Variants in ERN2 observed in about 807,000 individuals in gnomAD.
ERN2 encodes the protein serine/threonine-protein kinase/endoribonuclease IRE2.
A neutral mutation model predicts 107.9 loss-of-function variants in ERN2; 111 were observed. The observed-to-expected ratio is 1.03, with a 90% CI of 0.88 to 1.20. The LOEUF is 1.20. Ranked by LOEUF, ERN2 falls within the 50% of genes most tolerant of loss-of-function variation. ERN2 has a pLI of 0.00. For synonymous variants in ERN2, 524 were observed against 501.7 expected (o/e 1.04, Z -0.59); for missense variants, 1,225 against 1,197.9 (o/e 1.02, Z -0.33).
chr16:23,705,017 C>T lies in ERN2; in HGVS notation c.720G>A (p.Leu240=). 1 of 1,613,960 alleles carries T rather than the reference C, an allele frequency of 6.2e-7. No homozygotes were observed. The highest frequency in any genetic ancestry group is 8.5e-7 in the Non-Finnish European group (1 of 1,180,026). The change falls in exon 8 of 22, where the codon CTG becomes CTA. Residue 240 remains leucine (L), a synonymous_variant. Transcript: ENST00000256797. ...MGVYTWHQDG[L]RQLPHLTLAR... ...CCAGCGTGAGATGCGGCAGCTGGCGCAGGCCGTCCTGGTGCCAGGTGTAGA... is the reference window on the plus strand; with the variant it reads ...CCAGCGTGAGATGCGGCAGCTGGCGTAGGCCGTCCTGGTGCCAGGTGTAGA...
chr16:23,706,554 G>A (rs1960323133), intron 6 of ERN2, 123 bp from the exon 7 acceptor site: 2 of 801,078 alleles, frequency 2.5e-6, no homozygotes, highest in East Asian at 2.6e-5. Flanking sequence ...CTGGAAGCCT[G>A]TGAACATCAC....
intron 1 of ERN2, among the ~76,000 whole-genome samples, chr16:23,711,556 C>G (rs1166628136): frequency 6.6e-6 from 1 of 151,948 alleles, no homozygotes; most frequent in African/African-American, 2.4e-5. Context: ...TGGGGTCTTG[C>G]TATGTTGTCT....
Position 23,710,561 on chromosome 16 carries a change from G to A in ERN2, c.200-12C>T, listed in dbSNP as rs113782704. The A allele has an allele frequency of 3.7e-6, 6 of 1,614,030 alleles. No individual in the cohort carries two copies. The highest frequency in any genetic ancestry group is 3.3e-4 in the Middle Eastern group (2 of 6,084). ...TTCGATGACGGGATCTGCAGGGACAGGGACACAGAACATAAGCAGTTTCCT... is the reference window on the plus strand; with the variant it reads ...TTCGATGACGGGATCTGCAGGGACAAGGACACAGAACATAAGCAGTTTCCT... On this transcript the variant is annotated splice_polypyrimidine_tract_variant and intron_variant, in intron 2 of 21. Transcript: ENST00000256797.
At chr16:23,708,018 G>A (rs1433473753) in intron 4 of ERN2, among the ~76,000 whole-genome samples, 2 of 152,156 alleles carry the variant, frequency 1.3e-5, no homozygotes, top group Non-Finnish European at 2.9e-5. Context: ...ATGGGGACAG[G>A]GTGAGATCAG....
chr16:23,705,166 G>C lies in ERN2; in HGVS notation c.590-19C>G, dbSNP rs747841982. The C allele has an allele frequency of 6.2e-7, 1 of 1,608,450 alleles. No individual in the cohort carries two copies. The highest frequency in any genetic ancestry group is 1.1e-5 in the South Asian group (1 of 90,888). ...CTCATGTCTGCCGAGAAAGGTGGCTGGGGAGATGTGGTTGGAAGCTCTCCT... is the reference window on the plus strand; with the variant it reads ...CTCATGTCTGCCGAGAAAGGTGGCTCGGGAGATGTGGTTGGAAGCTCTCCT... On this transcript the variant is annotated intron_variant, in intron 7 of 21. Coordinates refer to ENST00000256797, the MANE Select transcript of ERN2 (RefSeq NM_033266.4).
chr16:23,690,337 C>T lies in ERN2; in HGVS notation c.*494G>A, dbSNP rs1329660799. ...GAATTCGGAACTGTCCTTTCCTTGG[C>T]TTTATGCACATTAAACAGATGTGAA... On this transcript the variant is annotated 3_prime_UTR_variant, in exon 22 of 22. Transcript: ENST00000256797. The T allele has an allele frequency of 7.2e-6, 4 of 559,426 alleles. No individual in the cohort carries two copies. Among genetic ancestry groups the T allele is most frequent in the Non-Finnish European group, 1.3e-5 (4 of 311,366 alleles). The allele number at this position is 559,426 out of a possible 1,614,324, so 34.7% of individuals were successfully genotyped here.
Position 23,706,425 on chromosome 16 carries a change from G to A in ERN2, c.494C>T (p.Thr165Met), listed in dbSNP as rs773229366. 1.0e-5 allele frequency: 16 copies of A among 1,563,836 alleles called. No individual in the cohort carries two copies. Among genetic ancestry groups the A allele is most frequent in the South Asian group, 5.9e-5 (5 of 85,170 alleles). Residue 165 changes from threonine to methionine, a missense_variant, in exon 7 of 22, where the codon ACG becomes ATG. Coordinates refer to ENST00000256797, the MANE Select transcript of ERN2 (RefSeq NM_033266.4). ...GGCTCTTGGGTCATGCATGGTGACC[G>A]TATACTCTGGGGATCCCAGAAGCAA... ...PRLYIGRTQY[T>M]VTMHDPRAPA...
At chr16:23,695,521 T>A (rs1597143967) in intron 14 of ERN2, 132 bp from the exon 15 acceptor site, 1 of 752,488 alleles carries the variant, frequency 1.3e-6, no homozygotes, top group Non-Finnish European at 2.1e-6. Context: ...AGGTCAGGAG[T>A]TCGAGACCAG....
At chr16:23,709,121 C>T (rs1050318772) in intron 4 of ERN2, 2 of 452,050 alleles carry the variant, frequency 4.4e-6, no homozygotes, top group African/African-American at 4.0e-5. Context: ...AGCAGGCTTC[C>T]CCTGACATGG....
chr16:23,695,146 A>C (rs1327771193), intron 15 of ERN2, 28 bp from the exon 16 acceptor site: 1 of 1,613,288 alleles, frequency 6.2e-7, no homozygotes, highest in Admixed American at 1.7e-5. Context: ...CCAAAGCATC[A>C]CTCTCCAGCC....
At chr16:23,695,517 G>A in intron 14 of ERN2, 128 bp from the exon 15 acceptor site, 1 of 799,594 alleles carries the variant, frequency 1.3e-6, no homozygotes, top group South Asian at 1.7e-5. Context: ...CTTGAGGTCA[G>A]GAGTTCGAGA....
chr16:23,695,919 C>G lies in ERN2; in HGVS notation c.1585G>C (p.Gly529Arg), dbSNP rs1476995293. 12 of 1,614,038 alleles carry G rather than the reference C, an allele frequency of 7.4e-6. No individual in the cohort carries two copies. The East Asian group carries it at 2.7e-4, about 36-fold the overall frequency. Residue 529 changes from glycine to arginine, a missense_variant, in exon 14 of 22, where the codon GGG (glycine) becomes CGG (arginine). Physicochemically the swap from Gly to Arg is moderately radical, Grantham distance 125 (BLOSUM62 -2). Transcript: ENST00000256797. ...CGGAAAACGAAAGTCCCGCCTGCCC[C>G]GCGGCCCAGCACGTCCTTGGGATTG... ...SFNPKDVLGR[G>R]AGGTFVFRGQ...
chr16:23,707,630 G>A lies in ERN2; in HGVS notation c.307-551C>T, dbSNP rs554658324. Among the ~76,000 whole-genome samples, 24 of 152,262 alleles carry A rather than the reference G, an allele frequency of 1.6e-4. No homozygotes were observed. The South Asian group carries it at 4.6e-3, about 29-fold the overall frequency. On this transcript the variant is annotated intron_variant, in intron 4 of 21. Coordinates refer to ENST00000256797, the MANE Select transcript of ERN2 (RefSeq NM_033266.4). Reference sequence around the variant, plus strand: ...CTTGTGAGTCTGAGGCAGGAGGATCGCTTAAGTCCAGGAGTTCAAGGCTGC... The same window carrying A: ...CTTGTGAGTCTGAGGCAGGAGGATCACTTAAGTCCAGGAGTTCAAGGCTGC...
Position 23,691,353 on chromosome 16 carries a change from C to T in ERN2, c.2449G>A (p.Ala817Thr), listed in dbSNP as rs143641485. ...LVRALEAGGCAVVRDNWHEHI... is the reference protein window; with the variant it reads ...LVRALEAGGCTVVRDNWHEHI... ...TCGTGCCAGTTGTCCCGGACCACTGCGCAGCCTCCCGCCTCCAGTGCCCTC... is the reference window on the plus strand; with the variant it reads ...TCGTGCCAGTTGTCCCGGACCACTGTGCAGCCTCCCGCCTCCAGTGCCCTC... The change falls in exon 20 of 22, where the codon GCA becomes ACA. Residue 817 changes from alanine (A) to threonine (T), a missense_variant. By Grantham distance (58) the Ala-to-Thr change is moderately conservative. Transcript: ENST00000256797. The T allele has an allele frequency of 3.7e-5, 60 of 1,604,506 alleles. No homozygotes were observed. Among genetic ancestry groups the T allele is most frequent in the African/African-American group, 5.3e-5 (4 of 74,898 alleles).
chr16:23,700,406 C>G (rs1447182767), intron 13 of ERN2, 133 bp downstream of exon 13: 1 of 857,812 alleles, frequency 1.2e-6, no homozygotes, highest in Non-Finnish European at 1.8e-6. Context: ...AGGCTCTACT[C>G]AAAACACTCT....
At chr16:23,709,955 C>T (rs575967547) in intron 4 of ERN2, 6 of 541,324 alleles carry the variant, frequency 1.1e-5, no homozygotes, top group Admixed American at 6.7e-5. Context: ...TGGGATACCT[C>T]CAGCTTGATA....
intron 13 of ERN2, among the ~76,000 whole-genome samples, chr16:23,699,739 T>C (rs1412527317): frequency 6.6e-6 from 1 of 152,138 alleles, no homozygotes; most frequent in East Asian, 1.9e-4. Flanking sequence ...GGCTTTAGTC[T>C]TTAGAAGACT....
rs1567242682 is a variant in ERN2 at position 23,692,018 on chromosome 16, T to TG, written c.2320dup (p.Gln774ProfsTer23). On this transcript the variant is annotated frameshift_variant, in exon 19 of 22. Coordinates refer to ENST00000256797, the MANE Select transcript of ERN2 (RefSeq NM_033266.4). LOFTEE classifies it high-confidence loss of function. ...CCAAAAGAAGGGGTGGGCCAGCACC[T>TG]GGGGGGCAGAGGGGCGTGGCTGCGG... is the stretch of plus-strand genomic sequence containing the variant. 6.2e-7 allele frequency: 1 copy of TG among 1,613,634 alleles called. No individual in the cohort carries two copies. Among genetic ancestry groups the TG allele is most frequent in the African/African-American group, 1.3e-5 (1 of 74,894 alleles).
intron 2 of ERN2, 88 bp from the exon 3 acceptor site, chr16:23,710,637 T>G: frequency 2.8e-6 from 4 of 1,433,462 alleles, no homozygotes; most frequent in Non-Finnish European, 3.9e-6. Flanking sequence ...ATGGCATGAC[T>G]GTGATGTCAA....
Sources: gnomAD v4.1 joint callset for allele counts (sites outside exome capture counted in the v4.1 genomes callset) on GRCh38, gnomAD v4.1.1 for gene constraint, MANE v1.5 for transcripts, NCBI Gene and HGNC (gene_info 2026-07-23, HGNC 2026-07-21) for gene names.